Variants in GAK observed in about 807,000 individuals in gnomAD.
GAK encodes cyclin-G-associated kinase.
A neutral mutation model predicts 143.9 loss-of-function variants in GAK; 79 were observed. The observed-to-expected ratio is 0.55, with a 90% CI of 0.46 to 0.66. GAK has a LOEUF of 0.66. GAK is among the 30% of genes least tolerant of loss of function. The pLI, the probability that GAK is intolerant of heterozygous loss-of-function variation, is 0.00. For missense variants in GAK, 1,693 were observed against 1,779.7 expected, an observed-to-expected ratio of 0.95 and a Z score of 0.88; for synonymous variants, 881 against 765.5, an observed-to-expected ratio of 1.15 and a Z score of -2.49.
In GAK at chr4:889,001, A is replaced by G. The variant is rs1213788929; in HGVS notation, c.1082-31T>C. ...GGGAGACACAGTCTCAGCAGGCCCC[A>G]GGTGCTCGGTCCCACCTCCCCAGGT... On this transcript the variant is annotated intron_variant, in intron 10 of 27. Transcript: ENST00000314167. The G allele has an allele frequency of 1.9e-6, 3 of 1,596,764 alleles. No homozygotes were observed. In the Admixed American group the frequency reaches 5.1e-5, roughly 27 times the overall value.
Position 865,149 on chromosome 4 carries a change from C to A in GAK, c.3139G>T (p.Ala1047Ser). Reference sequence around the variant, plus strand: ...TCTGTGGCTGGCGTGGGGGCCACTGCCGATGCTGCAGTCTCGGTCCAGGCA... The same window carrying A: ...TCTGTGGCTGGCGTGGGGGCCACTGACGATGCTGCAGTCTCGGTCCAGGCA... ...WAAWTETAAS[A>S]VAPTPATEGP... Residue 1047 changes from alanine (A) to serine (S), a missense_variant, in exon 23 of 28, where the codon GCA becomes TCA. By Grantham distance (99) the Ala-to-Ser change is moderately conservative (BLOSUM62 1). Around this residue, in one of 2 missense-constraint regions of GAK, gnomAD observed 822 missense variants for 788.7 expected, o/e 1.04. Coordinates refer to ENST00000314167, the MANE Select transcript of GAK (RefSeq NM_005255.4). 6.2e-7 allele frequency: 1 copy of A among 1,610,716 alleles called. No individual in the cohort carries two copies.
intron 5 of GAK, among the ~76,000 whole-genome samples, chr4:904,229 CTGTGGATGATGGG>C (rs1720621893): frequency 6.8e-6 from 1 of 146,202 alleles, no homozygotes; most frequent in Non-Finnish European, 1.5e-5. Flanking sequence ...CTTGTGGTCC[CTGTGGATGATGGG>C]CGGCTCCTAA....
At chr4:920,485 G>T (rs991746777) in intron 1 of GAK, among the ~76,000 whole-genome samples, 11 of 150,972 alleles carry the variant, frequency 7.3e-5, no homozygotes, top group Non-Finnish European at 1.2e-4. Flanking sequence ...GGTCCCAGAA[G>T]TCCAAGAATA....
intron 12 of GAK, among the ~76,000 whole-genome samples, 156 bp downstream of exon 12, chr4:883,881 C>T (rs1052296894): frequency 1.3e-5 from 2 of 152,218 alleles, no homozygotes; most frequent in African/African-American, 2.4e-5. Context: ...GAGCACAGGC[C>T]GCCTGCCTGC....
Position 904,659 on chromosome 4 carries a change from G to C in GAK, c.503C>G (p.Pro168Arg), listed in dbSNP as rs1339548440. Residue 168 changes from proline (P) to arginine (R), a missense_variant, in exon 5 of 28, where the codon CCC (proline) becomes CGC (arginine). Pro to Arg is a moderately radical substitution (Grantham distance 103, BLOSUM62 -2). Coordinates refer to ENST00000314167, the MANE Select transcript of GAK (RefSeq NM_005255.4). ...AVQHMHRQKP[P>R]IIHRDLKVEN... Reference sequence around the variant, plus strand: ...TACCTTGAGGTCCCTGTGGATGATGGGCGGCTTCTGCCGGTGCATGTGCTG... The same window carrying C: ...TACCTTGAGGTCCCTGTGGATGATGCGCGGCTTCTGCCGGTGCATGTGCTG... 6.2e-7 allele frequency: 1 copy of C among 1,600,730 alleles called. No individual in the cohort carries two copies. Among genetic ancestry groups the C allele is most frequent in the Non-Finnish European group, 8.5e-7 (1 of 1,171,792 alleles).
At chr4:856,675 T>C (rs1020975898) in intron 24 of GAK, among the ~76,000 whole-genome samples, 4 of 147,474 alleles carry the variant, frequency 2.7e-5, no homozygotes, top group African/African-American at 1.0e-4. Context: ...CCACAGCTGC[T>C]CACACCTGCT....
At chr4:883,012 G>A (rs1166625375) in intron 13 of GAK, among the ~76,000 whole-genome samples, 193 bp from the exon 14 acceptor site, 1 of 152,254 alleles carries the variant, frequency 6.6e-6, no homozygotes, top group African/African-American at 2.4e-5. Flanking sequence ...GCTGTTCCTG[G>A]GCTTTGGGTC....
At chr4:852,460 G>T in intron 24 of GAK, 1 of 171,714 alleles carries the variant, frequency 5.8e-6, no homozygotes. Context: ...TTTTTTTTGA[G>T]ACGGAATCTC....
chr4:865,194 C>G lies in GAK; in HGVS notation c.3094G>C (p.Asp1032His), dbSNP rs1481284402. ...CAGGCAGCCCATCCTCCCAGCAGGTCTGGGTTGCTGGACGAGGCTGTCATC... is the reference window on the plus strand; with the variant it reads ...CAGGCAGCCCATCCTCCCAGCAGGTGTGGGTTGCTGGACGAGGCTGTCATC... ...SKMTASSSNP[D>H]LLGGWAAWTE... The change falls in exon 23 of 28, where the codon GAC (aspartate) becomes CAC (histidine). Residue 1032 changes from aspartate (D) to histidine (H), a missense_variant. Coordinates refer to ENST00000314167, the MANE Select transcript of GAK (RefSeq NM_005255.4). 1.2e-6 allele frequency: 2 copies of G among 1,613,346 alleles called. No individual in the cohort carries two copies.
At chr4:879,319 C>T (rs1714618693) in intron 15 of GAK, among the ~76,000 whole-genome samples, 1 of 152,224 alleles carries the variant, frequency 6.6e-6, no homozygotes, top group Non-Finnish European at 1.5e-5. Flanking sequence ...TAAACAAAAC[C>T]ACTCATGTTC....
chr4:860,669 G>A (rs1230048183), intron 23 of GAK, among the ~76,000 whole-genome samples: 3 of 152,066 alleles, frequency 2.0e-5, no homozygotes, highest in South Asian at 2.1e-4. Context: ...TTGAGGGGAC[G>A]GGCACCCAGG....
Position 897,969 on chromosome 4 carries a change from C to T in GAK, c.651+64G>A, listed in dbSNP as rs993029875. Reference sequence around the variant, plus strand: ...AGCACCCCGGCGGAAAACAGCACTCCGCACTCAGGGCGTGGAATGTGGGAA... The same window carrying T: ...AGCACCCCGGCGGAAAACAGCACTCTGCACTCAGGGCGTGGAATGTGGGAA... On this transcript the variant is annotated intron_variant, in intron 6 of 27. Transcript: ENST00000314167. 1.5e-5 allele frequency: 23 copies of T among 1,532,520 alleles called. 1 individual carries two copies. Among genetic ancestry groups the T allele is most frequent in the East Asian group, 1.2e-4 (5 of 42,074 alleles). 94.9% of individuals were successfully genotyped at this position (1,532,520 alleles called of 1,614,324 possible).
rs963355537 is a variant in GAK at position 849,317 on chromosome 4, A to G, written c.*356T>C. 3.2e-6 allele frequency: 1 copy of G among 317,124 alleles called. No individual in the cohort carries two copies. Among genetic ancestry groups the G allele is most frequent in the Non-Finnish European group, 6.0e-6 (1 of 165,470 alleles). 19.6% of individuals were successfully genotyped at this position (317,124 alleles called of 1,614,324 possible). On this transcript the variant is annotated 3_prime_UTR_variant, in exon 28 of 28. Transcript: ENST00000314167. Reference sequence around the variant, plus strand: ...TTAATTCTGTACAGACAACCACGGGACTGATTACAAAGTGCGGTGCAAACA... The same window carrying G: ...TTAATTCTGTACAGACAACCACGGGGCTGATTACAAAGTGCGGTGCAAACA...
At chr4:926,874 AACCCC>A (rs35313141) in intron 1 of GAK, among the ~76,000 whole-genome samples, 12,243 of 34,278 alleles carry the variant, frequency 0.36, 1,799 homozygotes, top group East Asian at 0.45. Context: ...ACTGCCCCGC[AACCCC>A]CCCCACCCCG....
intron 5 of GAK, among the ~76,000 whole-genome samples, chr4:903,145 T>C (rs1720264896): frequency 6.6e-6 from 1 of 152,156 alleles, no homozygotes; most frequent in African/African-American, 2.4e-5. Flanking sequence ...GAACCACCTG[T>C]GTGGCGGTGT....
chr4:907,434 C>T (rs971986624), intron 4 of GAK, among the ~76,000 whole-genome samples: 1 of 152,212 alleles, frequency 6.6e-6, no homozygotes, highest in African/African-American at 2.4e-5. Context: ...AGGAACAGAC[C>T]CGGGAGAGGC....
chr4:912,557 A>T, intron 3 of GAK, 178 bp downstream of exon 3: 2 of 545,188 alleles, frequency 3.7e-6, no homozygotes, highest in Admixed American at 3.2e-5. Flanking sequence ...AAAAACAGAA[A>T]AAACTGCTTC....
At chr4:925,493 C>CA (rs1272867778) in intron 1 of GAK, among the ~76,000 whole-genome samples, 1 of 152,186 alleles carries the variant, frequency 6.6e-6, no homozygotes, top group African/African-American at 2.4e-5. Flanking sequence ...TTTTAAGAAA[C>CA]AGACACTTTT....
intron 9 of GAK, among the ~76,000 whole-genome samples, chr4:892,913 G>A (rs1010858954): frequency 5.9e-5 from 9 of 152,208 alleles, no homozygotes; most frequent in African/African-American, 1.9e-4. Context: ...TGCCCCCGGG[G>A]TCTCGGCCCT....
Sources: gnomAD v4.1 joint callset for allele counts (sites outside exome capture counted in the v4.1 genomes callset) on GRCh38, gnomAD v4.1.1 for gene constraint, gnomAD v4.1.1 regional missense constraint, MANE v1.5 for transcripts, NCBI Gene and HGNC (gene_info 2026-07-23, HGNC 2026-07-21) for gene names.